GRIA1: variants seen among roughly 807,000 people sequenced by gnomAD.
The protein encoded by GRIA1 is glutamate receptor 1.
In GRIA1, 31 loss-of-function variants were observed where a neutral mutation model predicts 99.2. The observed-to-expected ratio is 0.31, with a 90% CI of 0.23 to 0.42. The LOEUF is 0.42. Among genes scored for constraint, GRIA1 ranks in the 10% least tolerant of loss-of-function variants. The pLI is 1.00. For synonymous variants in GRIA1, 438 were observed against 432.4 expected, an observed-to-expected ratio of 1.01 and a Z score of -0.16; for missense variants, 782 against 1,157.5, an observed-to-expected ratio of 0.68 and a Z score of 4.71.
chr5:153,578,907 C>A (rs1443414156), intron 2 of GRIA1, among the ~76,000 whole-genome samples: 4 of 151,948 alleles, frequency 2.6e-5, no homozygotes, highest in Non-Finnish European at 5.9e-5. Context: ...GACTCCATCT[C>A]AAAAATAAAT....
At chr5:153,523,330 C>T (rs1757317010) in intron 2 of GRIA1, among the ~76,000 whole-genome samples, 1 of 152,144 alleles carries the variant, frequency 6.6e-6, no homozygotes, top group Non-Finnish European at 1.5e-5. Context: ...TCTCCCTTCT[C>T]AAATGCCTCT....
intron 2 of GRIA1, chr5:153,574,243 G>A (rs1215966710): frequency 6.6e-6 from 1 of 152,186 alleles, no homozygotes; most frequent in Non-Finnish European, 1.5e-5. Flanking sequence ...TATATGGAGA[G>A]AGAGAGCTTG....
rs139193000 is a variant in GRIA1 at position 153,675,178 on chromosome 5, G to T, written c.861+517G>T. ...CTACCCCCAGTTGGCTGCAAGGGAAGCTGGAAAATGGTGGTTCTATTCTGG... is the reference window on the plus strand; with the variant it reads ...CTACCCCCAGTTGGCTGCAAGGGAATCTGGAAAATGGTGGTTCTATTCTGG... On this transcript the variant is annotated intron_variant, in intron 6 of 15. Coordinates refer to ENST00000285900, the MANE Select transcript of GRIA1 (RefSeq NM_000827.4). Among the ~76,000 whole-genome samples the T allele has an allele frequency of 2.0e-3, 301 of 152,358 alleles. 1 individual carries two copies. Among genetic ancestry groups the T allele is most frequent in the African/African-American group, 6.9e-3 (285 of 41,584 alleles).
chr5:153,746,319 A>C (rs1034773836), intron 11 of GRIA1, among the ~76,000 whole-genome samples: 1 of 151,844 alleles, frequency 6.6e-6, no homozygotes, highest in Admixed American at 6.6e-5. Context: ...GTAGGGTGAA[A>C]AAATACCTGG....
intron 2 of GRIA1, among the ~76,000 whole-genome samples, chr5:153,592,160 T>C (rs1159161078): frequency 6.6e-6 from 1 of 152,250 alleles, no homozygotes; most frequent in Admixed American, 6.5e-5. Flanking sequence ...TAGAAGTTGG[T>C]TCTTTTCATA....
intron 2 of GRIA1, among the ~76,000 whole-genome samples, chr5:153,589,426 A>G (rs1763772399): frequency 6.7e-6 from 1 of 148,978 alleles, no homozygotes; most frequent in Non-Finnish European, 1.5e-5. Context: ...TTCAACTTTA[A>G]AAACTCAACA....
intron 1 of GRIA1, among the ~76,000 whole-genome samples, chr5:153,491,580 A>G (rs1470584856): frequency 6.6e-6 from 1 of 151,998 alleles, no homozygotes; most frequent in Non-Finnish European, 1.5e-5. Flanking sequence ...GCTGTCTGCC[A>G]TGCTGCGCTG....
intron 2 of GRIA1, among the ~76,000 whole-genome samples, chr5:153,515,436 A>C (rs1181278154): frequency 6.6e-6 from 1 of 152,200 alleles, no homozygotes; most frequent in Non-Finnish European, 1.5e-5. Context: ...TCAAACTCGT[A>C]GAAGTAAAGA....
chr5:153,676,488 A>G (rs6875801), intron 6 of GRIA1, among the ~76,000 whole-genome samples: 42,125 of 152,096 alleles, frequency 0.28, 6,244 homozygotes, highest in East Asian at 0.42. Flanking sequence ...GAAAAAATTA[A>G]GAGCTCACCC....
At chr5:153,717,643 G>A (rs1176480544) in intron 11 of GRIA1, among the ~76,000 whole-genome samples, 1 of 152,172 alleles carries the variant, frequency 6.6e-6, no homozygotes, top group Non-Finnish European at 1.5e-5. Flanking sequence ...AACACACAGA[G>A]TGTAAAATAG....
intron 2 of GRIA1, among the ~76,000 whole-genome samples, chr5:153,576,934 ATGGATG>A: frequency 4.9e-5 from 1 of 20,554 alleles, no homozygotes; most frequent in Non-Finnish European, 1.1e-4. Flanking sequence ...TATTGGATGG[ATGGATG>A]GATGGATGGA....
At chr5:153,696,855 G>GGTGTGTGTGTGT (rs1218399677) in intron 8 of GRIA1, among the ~76,000 whole-genome samples, 167 of 111,406 alleles carry the variant, frequency 1.5e-3, no homozygotes, top group Non-Finnish European at 2.2e-3. Context: ...ATAGCTTTAG[G>GGTGTGTGTGTGT]GTGTGTATGT....
At chr5:153,795,918 A>C (rs1055731050) in intron 14 of GRIA1, among the ~76,000 whole-genome samples, 3 of 151,916 alleles carry the variant, frequency 2.0e-5, no homozygotes, top group African/African-American at 7.3e-5. Context: ...CGTTTAGCAC[A>C]CAACCCAGGA....
chr5:153,600,108 T>C (rs1306053373), intron 2 of GRIA1, among the ~76,000 whole-genome samples: 4 of 152,044 alleles, frequency 2.6e-5, no homozygotes, highest in Admixed American at 2.6e-4. Context: ...GTATGGAGTC[T>C]GGACCCGGCG....
chr5:153,712,657 G>A (rs1252286782), intron 11 of GRIA1, among the ~76,000 whole-genome samples: 2 of 144,378 alleles, frequency 1.4e-5, no homozygotes, highest in East Asian at 3.9e-4. Flanking sequence ...GATGAAGGCA[G>A]CCTGAAATTG....
At chr5:153,744,287 A>ATACTT (rs1193260242) in intron 11 of GRIA1, among the ~76,000 whole-genome samples, 4 of 152,202 alleles carry the variant, frequency 2.6e-5, no homozygotes, top group African/African-American at 4.8e-5. Flanking sequence ...GTCTTTTATA[A>ATACTT]TACTTTAAAG....
At chr5:153,801,244 C>A (rs1162563131) in intron 14 of GRIA1, among the ~76,000 whole-genome samples, 1 of 150,994 alleles carries the variant, frequency 6.6e-6, no homozygotes, top group African/African-American at 2.4e-5. Context: ...TTGAACTCCA[C>A]TGGAGGTGAC....
At chr5:153,543,300 A>G (rs1759305649) in intron 2 of GRIA1, among the ~76,000 whole-genome samples, 1 of 152,202 alleles carries the variant, frequency 6.6e-6, no homozygotes. Context: ...GTAACAAATG[A>G]GGATGATAAG....
intron 2 of GRIA1, among the ~76,000 whole-genome samples, chr5:153,566,320 T>TTTTTTTTC (rs1554098080): frequency 5.7e-5 from 8 of 141,124 alleles, no homozygotes; most frequent in African/African-American, 1.8e-4. Context: ...TTTTTTTTTT[T>TTTTTTTTC]CCAGAGACAG....
Sources: gnomAD v4.1 joint callset for allele counts (sites outside exome capture counted in the v4.1 genomes callset) on GRCh38, gnomAD v4.1.1 for gene constraint, MANE v1.5 for transcripts, NCBI Gene and HGNC (gene_info 2026-07-23, HGNC 2026-07-21) for gene names.